PIAS1: variants seen among roughly 807,000 people sequenced by gnomAD.
PIAS1 encodes protein inhibitor of activated STAT 1.
PIAS1 carries 6 observed loss-of-function variants against 71.3 expected under a neutral mutation model. That is an observed-to-expected ratio of 0.08 (90% CI 0.05 to 0.17). PIAS1 has a LOEUF of 0.17. Among genes scored for constraint, PIAS1 ranks in the 10% least tolerant of loss-of-function variants. The pLI, the probability that PIAS1 is intolerant of heterozygous loss-of-function variation, is 1.00. For missense variants in PIAS1, 555 were observed against 793.6 expected, an observed-to-expected ratio of 0.70 and a Z score of 3.61; for synonymous variants, 303 against 292.9, an observed-to-expected ratio of 1.03 and a Z score of -0.35.
chr15:68,192,029 G>A lies in PIAS1; in HGVS notation c.*4194G>A, dbSNP rs1284088497. 1 of 152,206 alleles carries A rather than the reference G, an allele frequency of 6.6e-6. No individual in the cohort carries two copies. Among genetic ancestry groups the A allele is most frequent in the African/African-American group, 2.4e-5 (1 of 41,442 alleles). The allele number at this position is 152,206 out of a possible 1,614,324, so 9.4% of individuals were successfully genotyped here. A position where few individuals can be genotyped will look rare whatever the true frequency, so the allele number is the denominator to read the frequency against. On this transcript the variant is annotated 3_prime_UTR_variant, in exon 14 of 14. Transcript: ENST00000249636. ...TTTAAAACCATACTGGGACTATTCA[G>A]TGATAAATATAGACATAGAAAAGCT...
At chr15:68,074,596 A>G (rs998815358) in intron 1 of PIAS1, among the ~76,000 whole-genome samples, 2 of 152,190 alleles carry the variant, frequency 1.3e-5, no homozygotes, top group African/African-American at 4.8e-5. Flanking sequence ...GTTCTTTTTG[A>G]CTGATTATGA....
At chr15:68,065,285 A>G (rs190823611) in intron 1 of PIAS1, among the ~76,000 whole-genome samples, 11 of 152,216 alleles carry the variant, frequency 7.2e-5, no homozygotes, top group African/African-American at 2.2e-4. Context: ...GGTATTTTTT[A>G]TAACTTAAAA....
chr15:68,135,120 A>G (rs1308510183), intron 2 of PIAS1, among the ~76,000 whole-genome samples: 89 of 38,708 alleles, frequency 2.3e-3, no homozygotes, highest in East Asian at 4.3e-3. Flanking sequence ...TCCCTCCCGG[A>G]CGGGGCGGCT....
chr15:68,104,096 CTTG>C (rs1275332035), intron 2 of PIAS1, among the ~76,000 whole-genome samples: 1 of 152,160 alleles, frequency 6.6e-6, no homozygotes, highest in Non-Finnish European at 1.5e-5. Flanking sequence ...CTTACCAACA[CTTG>C]TTATTATATG....
intron 1 of PIAS1, among the ~76,000 whole-genome samples, chr15:68,074,737 C>T (rs1425893970): frequency 6.6e-6 from 1 of 151,232 alleles, no homozygotes; most frequent in African/African-American, 2.4e-5. Flanking sequence ...GACAATTAAA[C>T]TTTTTTTTTC....
intron 2 of PIAS1, among the ~76,000 whole-genome samples, chr15:68,120,719 A>T (rs1388760208): frequency 6.6e-6 from 1 of 152,060 alleles, no homozygotes; most frequent in Admixed American, 6.6e-5. Flanking sequence ...CAGTGGCGTG[A>T]TCTCAGCTCA....
chr15:68,130,265 C>T (rs2092681039), intron 2 of PIAS1, among the ~76,000 whole-genome samples: 1 of 151,808 alleles, frequency 6.6e-6, no homozygotes, highest in Admixed American at 6.6e-5. Flanking sequence ...ATATAAGCTT[C>T]TTGCAGATCT....
chr15:68,157,292 C>G (rs1567068469), intron 7 of PIAS1, among the ~76,000 whole-genome samples: 1 of 152,064 alleles, frequency 6.6e-6, no homozygotes, highest in Non-Finnish European at 1.5e-5. Flanking sequence ...GTTTTCAGTT[C>G]CTCTCTGTCT....
intron 1 of PIAS1, among the ~76,000 whole-genome samples, chr15:68,074,973 C>T (rs932189404): frequency 6.7e-6 from 1 of 149,416 alleles, no homozygotes; most frequent in Non-Finnish European, 1.5e-5. Flanking sequence ...ATAAATTTCA[C>T]GAAGAATGTG....
At chr15:68,103,396 A>G (rs1303440689) in intron 2 of PIAS1, among the ~76,000 whole-genome samples, 2 of 149,102 alleles carry the variant, frequency 1.3e-5, no homozygotes, top group African/African-American at 2.5e-5. Context: ...TTTGTTTTCA[A>G]CCTTTTGTGG....
intron 2 of PIAS1, among the ~76,000 whole-genome samples, chr15:68,117,450 G>T (rs1175162861): frequency 2.0e-5 from 3 of 152,166 alleles, no homozygotes; most frequent in African/African-American, 7.2e-5. Context: ...CCATGCGTTA[G>T]AACACGAGAA....
At chr15:68,163,486 C>T (rs962723785) in intron 7 of PIAS1, among the ~76,000 whole-genome samples, 1 of 152,114 alleles carries the variant, frequency 6.6e-6, no homozygotes, top group African/African-American at 2.4e-5. Flanking sequence ...ATTGGTGTCC[C>T]TCTTTTCATT....
chr15:68,122,301 C>G (rs1182022389), intron 2 of PIAS1, among the ~76,000 whole-genome samples: 2 of 151,986 alleles, frequency 1.3e-5, no homozygotes, highest in Non-Finnish European at 2.9e-5. Context: ...CAAACAAAAC[C>G]CTTATATCTG....
Position 68,175,733 on chromosome 15 carries a change from A to G in PIAS1, c.1266A>G (p.Val422=). Residue 422 remains valine (V), a synonymous_variant, in exon 10 of 14, where the codon GTA becomes GTG. Transcript: ENST00000249636. ...TWAPMRSKKE[V]QEVSASYNGV... ...CACCGATGAGATCAAAAAAGGAAGT[A>G]CAGGAAGTTTCTGCCTCTTACAATG... The G allele has an allele frequency of 6.2e-7, 1 of 1,607,376 alleles. No individual in the cohort carries two copies. The highest frequency in any genetic ancestry group is 8.5e-7 in the Non-Finnish European group (1 of 1,176,316).
At chr15:68,065,791 A>T (rs550371074) in intron 1 of PIAS1, among the ~76,000 whole-genome samples, 6 of 120,426 alleles carry the variant, frequency 5.0e-5, no homozygotes, top group African/African-American at 2.0e-4. Flanking sequence ...CCCAGGCTGG[A>T]GTGCAGTGGT....
At position 68,127,685 on chromosome 15, in the gene PIAS1, G is replaced by A. The variant is rs182841177; in HGVS notation, c.470-14261G>A. On this transcript the variant is annotated intron_variant, in intron 2 of 13. Transcript: ENST00000249636. ...CCTTTTATTGGAATTTTAGGATAGAGTAAAAGAAGATGATGTGCTAAGCTA... is the reference window on the plus strand; with the variant it reads ...CCTTTTATTGGAATTTTAGGATAGAATAAAAGAAGATGATGTGCTAAGCTA... Among the ~76,000 whole-genome samples, 40 of 152,286 alleles carry A rather than the reference G, an allele frequency of 2.6e-4. 1 individual carries two copies. The East Asian group carries it at 3.3e-3, about 12-fold the overall frequency.
At chr15:68,114,781 C>T (rs1430268160) in intron 2 of PIAS1, among the ~76,000 whole-genome samples, 2 of 150,898 alleles carry the variant, frequency 1.3e-5, no homozygotes, top group African/African-American at 2.4e-5. Context: ...CAACATGATT[C>T]GTCTTTTTAT....
intron 7 of PIAS1, among the ~76,000 whole-genome samples, chr15:68,157,034 G>GC (rs1439234549): frequency 6.6e-6 from 1 of 152,186 alleles, no homozygotes; most frequent in Non-Finnish European, 1.5e-5. Flanking sequence ...CATTGAAATG[G>GC]CATTGACTGT....
chr15:68,173,912 T>C lies in PIAS1; in HGVS notation c.1169+20T>C. On this transcript the variant is annotated intron_variant, in intron 9 of 13. Coordinates refer to ENST00000249636, the MANE Select transcript of PIAS1 (RefSeq NM_016166.3). The surrounding 1 kb of genome is among the most constrained non-coding windows in gnomAD (Gnocchi z 4.3). ...TGATGGGTATGTTACTTTAAGTGTT[T>C]TTGGTACCTTGAAATGACCATATAT... 1 of 1,439,884 alleles carries C rather than the reference T, an allele frequency of 6.9e-7. No individual in the cohort carries two copies. Among genetic ancestry groups the C allele is most frequent in the Non-Finnish European group, 9.3e-7 (1 of 1,075,364 alleles). 89.2% of individuals were successfully genotyped at this position (1,439,884 alleles called of 1,614,324 possible).
Sources: gnomAD v4.1 joint callset for allele counts (sites outside exome capture counted in the v4.1 genomes callset) on GRCh38, gnomAD v4.1.1 for gene constraint, Gnocchi (gnomAD v3.1) non-coding constraint, MANE v1.5 for transcripts, NCBI Gene and HGNC (gene_info 2026-07-23, HGNC 2026-07-21) for gene names.